The following RAB3C variants were observed in gnomAD, a reference collection of about 807,000 sequenced individuals.
RAB3C encodes ras-related protein Rab-3C.
A neutral mutation model predicts 26.4 loss-of-function variants in RAB3C; 17 were observed. That is an observed-to-expected ratio of 0.64 (90% CI 0.44 to 0.97). The LOEUF is 0.97. Among genes scored for constraint, RAB3C ranks in the 50% least tolerant of loss-of-function variants. The probability of loss-of-function intolerance (pLI) is 0.00; values close to 1 mark genes in which losing one functional copy is unlikely to be tolerated. For missense variants in RAB3C, 242 were observed against 281.9 expected (o/e 0.86, Z 1.01); for synonymous variants, 91 against 95.9 (o/e 0.95, Z 0.30).
At chr5:58,677,531 A>G (rs1449821190) in intron 2 of RAB3C, among the ~76,000 whole-genome samples, 2 of 152,244 alleles carry the variant, frequency 1.3e-5, no homozygotes, top group African/African-American at 4.8e-5. Context: ...CTGAATAGTT[A>G]GTGCTAATTA....
At chr5:58,667,502 C>T (rs574472948) in intron 2 of RAB3C, among the ~76,000 whole-genome samples, 3 of 152,198 alleles carry the variant, frequency 2.0e-5, no homozygotes, top group South Asian at 2.1e-4. Flanking sequence ...ATACTAGCCC[C>T]GGGCTGCCTA....
intron 1 of RAB3C, among the ~76,000 whole-genome samples, chr5:58,602,825 A>G (rs1746485008): frequency 6.6e-6 from 1 of 152,130 alleles, no homozygotes; most frequent in Non-Finnish European, 1.5e-5. Flanking sequence ...GTGGAGCATT[A>G]AGGCCATTTA....
At chr5:58,591,283 A>G (rs1746123104) in intron 1 of RAB3C, among the ~76,000 whole-genome samples, 1 of 152,076 alleles carries the variant, frequency 6.6e-6, no homozygotes, top group Non-Finnish European at 1.5e-5. Flanking sequence ...GACCTTTAAT[A>G]TCCTTATCGA....
chr5:58,716,390 C>A (rs1019124724), intron 2 of RAB3C, among the ~76,000 whole-genome samples: 1 of 152,096 alleles, frequency 6.6e-6, no homozygotes, highest in South Asian at 2.1e-4. Context: ...AACCTAACTT[C>A]TTCACTATTC....
intron 2 of RAB3C, among the ~76,000 whole-genome samples, chr5:58,645,556 G>C (rs1225758006): frequency 6.6e-6 from 1 of 152,136 alleles, no homozygotes; most frequent in Non-Finnish European, 1.5e-5. Context: ...TCCACCCTTT[G>C]CCAGGCATCG....
At chr5:58,588,636 C>T (rs957977997) in intron 1 of RAB3C, among the ~76,000 whole-genome samples, 6 of 151,946 alleles carry the variant, frequency 3.9e-5, no homozygotes, top group African/African-American at 1.4e-4. Flanking sequence ...AAAGGTTTCT[C>T]CCAGTTGGTG....
At chr5:58,817,743 T>A (rs1743248667) in intron 3 of RAB3C, among the ~76,000 whole-genome samples, 1 of 152,164 alleles carries the variant, frequency 6.6e-6, no homozygotes, top group Non-Finnish European at 1.5e-5. Context: ...TCTAATTTAA[T>A]GTTTCTGAAT....
chr5:58,725,980 T>C (rs767483851), intron 2 of RAB3C, 22 bp from the exon 3 acceptor site: 2 of 1,359,426 alleles, frequency 1.5e-6, no homozygotes, highest in Non-Finnish European at 2.0e-6. Context: ...TGAGAGATTA[T>C]CATTTTTTTT....
intron 2 of RAB3C, among the ~76,000 whole-genome samples, chr5:58,684,256 A>G (rs1182644314): frequency 2.6e-5 from 4 of 152,232 alleles, no homozygotes; most frequent in Non-Finnish European, 5.9e-5. Context: ...TTATATGCGA[A>G]TACTATGCCA....
chr5:58,692,367 G>A (rs373538990), intron 2 of RAB3C, among the ~76,000 whole-genome samples: 2 of 138,894 alleles, frequency 1.4e-5, no homozygotes, highest in African/African-American at 5.4e-5. Flanking sequence ...AGAAAAAAAA[G>A]AATAGACTGA....
intron 1 of RAB3C, among the ~76,000 whole-genome samples, chr5:58,598,879 C>T (rs770914397): frequency 3.9e-5 from 6 of 151,974 alleles, no homozygotes; most frequent in Non-Finnish European, 7.4e-5. Context: ...TAAAACTAAC[C>T]ATTTGCATTT....
At chr5:58,811,347 G>C (rs1052388973) in intron 3 of RAB3C, among the ~76,000 whole-genome samples, 16 of 140,014 alleles carry the variant, frequency 1.1e-4, no homozygotes, top group Middle Eastern at 6.9e-3. Flanking sequence ...GATTTTGCGT[G>C]TGTGTGTATG....
chr5:58,772,868 T>A (rs1742056816), intron 3 of RAB3C, among the ~76,000 whole-genome samples: 1 of 152,114 alleles, frequency 6.6e-6, no homozygotes, highest in African/African-American at 2.4e-5. Flanking sequence ...AGTAAAATCT[T>A]TTTCAGTAAC....
At chr5:58,596,673 A>T (rs1561259934) in intron 1 of RAB3C, among the ~76,000 whole-genome samples, 1 of 75,692 alleles carries the variant, frequency 1.3e-5, no homozygotes, top group African/African-American at 5.3e-5. Context: ...TATTATATAT[A>T]AATATATAAT....
chr5:58,725,749 T>C (rs1351494700), intron 2 of RAB3C, among the ~76,000 whole-genome samples: 3 of 151,946 alleles, frequency 2.0e-5, no homozygotes, highest in Non-Finnish European at 4.4e-5. Flanking sequence ...TTAATTATAC[T>C]GATTTGATCT....
intron 2 of RAB3C, among the ~76,000 whole-genome samples, chr5:58,709,750 AGCGCCAGTC>A (rs1387941768): frequency 4.6e-5 from 7 of 152,244 alleles, no homozygotes; most frequent in Admixed American, 2.0e-4. Context: ...TATGGATCCG[AGCGCCAGTC>A]TCATTGGTGT....
intron 3 of RAB3C, among the ~76,000 whole-genome samples, chr5:58,783,690 T>C (rs868853620): frequency 6.6e-6 from 1 of 152,318 alleles, no homozygotes; most frequent in Middle Eastern, 3.4e-3. Flanking sequence ...GTGCTTATCC[T>C]ACAGGCAGTT....
intron 4 of RAB3C, among the ~76,000 whole-genome samples, chr5:58,831,146 A>G (rs972627626): frequency 6.6e-6 from 1 of 152,028 alleles, no homozygotes; most frequent in Non-Finnish European, 1.5e-5. Flanking sequence ...GCCTCCCATG[A>G]CTGGGGTTAC....
chr5:58,675,547 T>TGTACTGA (rs925582326), intron 2 of RAB3C, among the ~76,000 whole-genome samples: 7 of 151,938 alleles, frequency 4.6e-5, no homozygotes, highest in African/African-American at 1.5e-4. Context: ...GAGTCACAGT[T>TGTACTGA]GTACTGAAAT....
Sources: allele counts gnomAD v4.1 joint callset (sites outside exome capture counted in the v4.1 genomes callset), GRCh38; gene constraint gnomAD v4.1.1; transcripts MANE v1.5; gene names NCBI Gene and HGNC (gene_info 2026-07-23, HGNC 2026-07-21).